Variants in SHOC2 observed in about 807,000 individuals in gnomAD.
SHOC2 encodes the protein leucine-rich repeat protein SHOC-2.
A neutral mutation model predicts 50.2 loss-of-function variants in SHOC2; 4 were observed. The observed-to-expected ratio is 0.08, with a 90% CI of 0.04 to 0.18. The LOEUF (loss-of-function observed/expected upper bound fraction) is 0.18, where lower values mean the gene tolerates loss of function less well. Ranked by LOEUF, SHOC2 falls within the 10% of genes least tolerant of loss-of-function variation. The pLI, the probability that SHOC2 is intolerant of heterozygous loss-of-function variation, is 1.00. For synonymous variants in SHOC2, 218 were observed against 244.5 expected (o/e 0.89, Z 1.01); for missense variants, 388 against 669.6 (o/e 0.58, Z 4.64).
chr10:110,980,407 C>T (rs1211108606), intron 2 of SHOC2, among the ~76,000 whole-genome samples: 2 of 152,012 alleles, frequency 1.3e-5, no homozygotes, highest in African/African-American at 2.4e-5. Context: ...CTGCCCACCT[C>T]GGCCTCCCAA....
intron 3 of SHOC2, among the ~76,000 whole-genome samples, chr10:110,997,713 A>G (rs1196733412): frequency 6.6e-6 from 1 of 152,174 alleles, no homozygotes; most frequent in Non-Finnish European, 1.5e-5. Flanking sequence ...CGTTATATCT[A>G]ACCCCTAGAG....
rs1298617136 is a variant in SHOC2 at position 110,985,722 on chromosome 10, T to G, written c.798T>G (p.Leu266=). Residue 266 remains leucine, a synonymous_variant, in exon 3 of 9, where the codon CTT becomes CTG. Transcript: ENST00000369452. Reference sequence around the variant, plus strand: ...GAAACTGTACACAGATAACCAACCTTGACTTGCAGCACAATGAACTGCTAG... The same window carrying G: ...GAAACTGTACACAGATAACCAACCTGGACTTGCAGCACAATGAACTGCTAG... The part of the protein sequence containing the change: ...EIGNCTQITN[L]DLQHNELLDL... 8.1e-6 allele frequency: 13 copies of G among 1,613,142 alleles called. No individual in the cohort carries two copies. The highest frequency in any genetic ancestry group is 1.1e-5 in the Non-Finnish European group (13 of 1,179,626).
At chr10:111,002,222 A>C (rs1848390390) in intron 4 of SHOC2, among the ~76,000 whole-genome samples, 1 of 152,198 alleles carries the variant, frequency 6.6e-6, no homozygotes, top group Non-Finnish European at 1.5e-5. Context: ...GGAAAGTATG[A>C]AGTCATAATT....
chr10:110,937,781 A>G (rs1279608766), intron 1 of SHOC2, among the ~76,000 whole-genome samples: 2 of 152,214 alleles, frequency 1.3e-5, no homozygotes, highest in South Asian at 2.1e-4. Flanking sequence ...AATTTAACAT[A>G]TGAGTTTGAT....
chr10:110,947,942 T>C (rs1041960791), intron 1 of SHOC2, among the ~76,000 whole-genome samples: 6 of 152,178 alleles, frequency 3.9e-5, no homozygotes, highest in African/African-American at 9.6e-5. Flanking sequence ...TTTTAAAATA[T>C]ATTTTTCAAA....
chr10:110,956,247 C>T (rs1182794179), intron 1 of SHOC2, among the ~76,000 whole-genome samples: 3 of 151,854 alleles, frequency 2.0e-5, no homozygotes, highest in Admixed American at 6.6e-5. Context: ...AGTGCAATGG[C>T]GCTCACTGCA....
chr10:110,943,538 C>T (rs1195587026), intron 1 of SHOC2, among the ~76,000 whole-genome samples: 1 of 152,198 alleles, frequency 6.6e-6, no homozygotes, highest in Non-Finnish European at 1.5e-5. Flanking sequence ...AAATAGCTAA[C>T]TTACAGGAGA....
chr10:110,934,010 T>G (rs1846946502), intron 1 of SHOC2, among the ~76,000 whole-genome samples: 1 of 152,174 alleles, frequency 6.6e-6, no homozygotes, highest in African/African-American at 2.4e-5. Context: ...AGTGGAAGAA[T>G]GGAAAGATCT....
intron 1 of SHOC2, among the ~76,000 whole-genome samples, chr10:110,927,645 C>A (rs982679929): frequency 6.6e-6 from 1 of 152,014 alleles, no homozygotes; most frequent in Non-Finnish European, 1.5e-5. Context: ...TTAAATTTTC[C>A]CCACCTCCTG....
intron 2 of SHOC2, 81 bp downstream of exon 2, chr10:110,965,142 C>T: frequency 8.2e-7 from 1 of 1,218,366 alleles, no homozygotes; most frequent in South Asian, 1.3e-5. Context: ...CAAAAAATGC[C>T]TGATACTTGC....
intron 3 of SHOC2, among the ~76,000 whole-genome samples, chr10:110,991,659 C>T (rs573430652): frequency 6.6e-6 from 1 of 152,142 alleles, no homozygotes; most frequent in East Asian, 1.9e-4. Context: ...CCTTTCCAGT[C>T]CTAGTATTTT....
intron 8 of SHOC2, among the ~76,000 whole-genome samples, chr10:111,011,025 A>C (rs1848556960): frequency 6.6e-6 from 1 of 152,210 alleles, no homozygotes; most frequent in Non-Finnish European, 1.5e-5. Context: ...ATTGCTTGAG[A>C]CATTTTCCTA....
intron 1 of SHOC2, among the ~76,000 whole-genome samples, chr10:110,960,200 T>C (rs1382859425): frequency 6.6e-6 from 1 of 152,250 alleles, no homozygotes; most frequent in Non-Finnish European, 1.5e-5. Flanking sequence ...GGTAAAGTTT[T>C]ATTGAAACAC....
At chr10:110,967,937 C>T (rs1847708226) in intron 2 of SHOC2, among the ~76,000 whole-genome samples, 1 of 152,014 alleles carries the variant, frequency 6.6e-6, no homozygotes, top group African/African-American at 2.4e-5. Flanking sequence ...TATTTGTGTA[C>T]AAGTTTTTGT....
intron 1 of SHOC2, among the ~76,000 whole-genome samples, chr10:110,949,080 G>C (rs907612906): frequency 6.6e-6 from 1 of 152,082 alleles, no homozygotes; most frequent in African/African-American, 2.4e-5. Context: ...ACATAAAGTT[G>C]TTAGAAGGAA....
At chr10:110,919,771 G>C (rs1238088572) in intron 1 of SHOC2, 114 bp downstream of exon 1, 1 of 394,624 alleles carries the variant, frequency 2.5e-6, no homozygotes, top group Admixed American at 4.4e-5. Context: ...CGTGCGCCCT[G>C]ACAGGCGCGA....
At chr10:111,008,585 A>T (rs1451290151) in intron 6 of SHOC2, among the ~76,000 whole-genome samples, 1 of 152,218 alleles carries the variant, frequency 6.6e-6, no homozygotes, top group African/African-American at 2.4e-5. Context: ...GTGCCTTGCA[A>T]ATAGTAAAAT....
chr10:110,971,822 G>A (rs556210000), intron 2 of SHOC2, among the ~76,000 whole-genome samples: 18 of 151,938 alleles, frequency 1.2e-4, no homozygotes, highest in Non-Finnish European at 2.4e-4. Context: ...AACATTTATT[G>A]AAAGCAAAAT....
chr10:110,957,844 C>G (rs531050358), intron 1 of SHOC2, among the ~76,000 whole-genome samples: 4 of 152,174 alleles, frequency 2.6e-5, no homozygotes, highest in African/African-American at 9.7e-5. Flanking sequence ...CTCATACATT[C>G]CTTTTACTTC....
Sources: gnomAD v4.1 joint callset for allele counts (sites outside exome capture counted in the v4.1 genomes callset) on GRCh38, gnomAD v4.1.1 for gene constraint, MANE v1.5 for transcripts, NCBI Gene and HGNC (gene_info 2026-07-23, HGNC 2026-07-21) for gene names.